CSMD1: variants seen among roughly 807,000 people sequenced by gnomAD.
CSMD1 encodes the protein CUB and sushi domain-containing protein 1.
Under a neutral mutation model 417.5 loss-of-function variants are expected in CSMD1, and 213 were observed. The observed-to-expected ratio is 0.51, with a 90% CI of 0.46 to 0.57. The LOEUF (loss-of-function observed/expected upper bound fraction) is 0.57. CSMD1 is among the 20% of genes least tolerant of loss of function. CSMD1 has a pLI of 0.00. For missense variants in CSMD1, 6,923 were observed against 4,529.7 expected (o/e 1.53, Z -15.17); for synonymous variants, 2,862 against 1,736.8 (o/e 1.65, Z -16.11).
intron 10 of CSMD1, among the ~76,000 whole-genome samples, chr8:3,503,182 G>C (rs933448923): frequency 6.6e-6 from 1 of 152,142 alleles, no homozygotes; most frequent in African/African-American, 2.4e-5. Flanking sequence ...AAAGTACTTT[G>C]AACACACACA....
chr8:3,412,489 A>T (rs1267918993), intron 12 of CSMD1, among the ~76,000 whole-genome samples: 1 of 152,190 alleles, frequency 6.6e-6, no homozygotes, highest in African/African-American at 2.4e-5. Flanking sequence ...TTTACTTCTA[A>T]GTGTCTGGGA....
At chr8:4,708,049 T>C (rs1275873372) in intron 1 of CSMD1, among the ~76,000 whole-genome samples, 1 of 152,096 alleles carries the variant, frequency 6.6e-6, no homozygotes, top group Non-Finnish European at 1.5e-5. Flanking sequence ...GCTCAAGTGA[T>C]CCTACTACCT....
chr8:4,751,750 T>A (rs1585043108), intron 1 of CSMD1, among the ~76,000 whole-genome samples: 1 of 152,274 alleles, frequency 6.6e-6, no homozygotes, highest in East Asian at 1.9e-4. Flanking sequence ...GTTAGGAGCT[T>A]GGTGTCTGAC....
intron 8 of CSMD1, among the ~76,000 whole-genome samples, chr8:3,612,177 G>C (rs1801926516): frequency 6.6e-6 from 1 of 151,946 alleles, no homozygotes. Flanking sequence ...AGACAAATTT[G>C]ATTTCAGAGT....
At chr8:3,710,609 C>T (rs933979298) in intron 6 of CSMD1, among the ~76,000 whole-genome samples, 1 of 152,118 alleles carries the variant, frequency 6.6e-6, no homozygotes, top group Non-Finnish European at 1.5e-5. Flanking sequence ...GTGCTTGGCC[C>T]CTGTGTATTC....
Position 3,188,905 on chromosome 8 carries a change from C to T in CSMD1, c.5505G>A (p.Thr1835=), listed in dbSNP as rs774904972. The T allele has an allele frequency of 2.6e-5, 41 of 1,584,530 alleles. 1 individual carries two copies. The highest frequency in any genetic ancestry group is 1.7e-4 in the Middle Eastern group (1 of 6,014). ...NLNCIWKIIV[T]EGSGIQIQVI... ...GACTCACCTGAATTCCCGAGCCCTC[C>T]GTAACTATGATCTTCCATATACAGT... is the stretch of plus-strand genomic sequence containing the variant. Residue 1835 remains threonine (T), a synonymous_variant, in exon 35 of 70, where the codon ACG becomes ACA. Transcript: ENST00000635120.
intron 1 of CSMD1, among the ~76,000 whole-genome samples, chr8:4,982,370 C>A (rs1810941033): frequency 6.6e-6 from 1 of 152,176 alleles, no homozygotes; most frequent in Non-Finnish European, 1.5e-5. Flanking sequence ...CTGGTGGCAT[C>A]TGGTCCTGCG....
chr8:4,383,110 CT>C (rs1803211905), intron 3 of CSMD1, among the ~76,000 whole-genome samples: 1 of 152,140 alleles, frequency 6.6e-6, no homozygotes, highest in African/African-American at 2.4e-5. Flanking sequence ...CTATTATGGG[CT>C]TTCCTGTGTA....
chr8:4,229,907 A>G (rs112290719), intron 3 of CSMD1, among the ~76,000 whole-genome samples: 1,968 of 152,276 alleles, frequency 0.013, 45 homozygotes, highest in African/African-American at 0.045. Context: ...GTGATACTCA[A>G]TAATATTTGT....
At chr8:3,054,358 C>A (rs1002986496) in intron 49 of CSMD1, among the ~76,000 whole-genome samples, 9 of 152,182 alleles carry the variant, frequency 5.9e-5, no homozygotes, top group Non-Finnish European at 1.2e-4. Context: ...TGGCTCATGC[C>A]TGTAATCCCA....
intron 2 of CSMD1, among the ~76,000 whole-genome samples, chr8:4,489,357 T>TAC (rs775884388): frequency 6.6e-6 from 1 of 152,232 alleles, no homozygotes; most frequent in Non-Finnish European, 1.5e-5. Flanking sequence ...GTTGTTTGCT[T>TAC]ACACACATCC....
intron 5 of CSMD1, among the ~76,000 whole-genome samples, chr8:3,776,532 T>C (rs1798892886): frequency 6.6e-6 from 1 of 152,176 alleles, no homozygotes; most frequent in East Asian, 1.9e-4. Flanking sequence ...GAACTTGCTG[T>C]GCCCTCTGCA....
chr8:3,860,542 A>G (rs1346732280), intron 5 of CSMD1, among the ~76,000 whole-genome samples: 2 of 152,166 alleles, frequency 1.3e-5, no homozygotes, highest in African/African-American at 2.4e-5. Flanking sequence ...GGTGGCCTGG[A>G]TTTACCAATG....
intron 21 of CSMD1, among the ~76,000 whole-genome samples, chr8:3,353,469 A>G (rs1808546679): frequency 6.6e-6 from 1 of 152,152 alleles, no homozygotes; most frequent in African/African-American, 2.4e-5. Flanking sequence ...GTGGCCTCCT[A>G]GTACACAAAA....
intron 15 of CSMD1, among the ~76,000 whole-genome samples, chr8:3,405,125 A>T (rs934668260): frequency 6.6e-6 from 1 of 152,196 alleles, no homozygotes; most frequent in African/African-American, 2.4e-5. Context: ...CTTTTCAATA[A>T]TACGTCTCAT....
intron 3 of CSMD1, among the ~76,000 whole-genome samples, chr8:4,248,647 T>C (rs1306120365): frequency 1.3e-5 from 2 of 152,152 alleles, no homozygotes; most frequent in East Asian, 3.9e-4. Flanking sequence ...TTTTACACCA[T>C]TAAGGACCAC....
chr8:4,833,892 A>C (rs1310148314), intron 1 of CSMD1, among the ~76,000 whole-genome samples: 2 of 152,192 alleles, frequency 1.3e-5, no homozygotes, highest in Non-Finnish European at 2.9e-5. Flanking sequence ...CAAACCGTAC[A>C]TGTCACTTGG....
intron 4 of CSMD1, among the ~76,000 whole-genome samples, chr8:4,024,667 G>C (rs555267418): frequency 1.3e-5 from 2 of 152,134 alleles, no homozygotes; most frequent in African/African-American, 4.8e-5. Flanking sequence ...TATTGCCAAG[G>C]AGACACTGCA....
intron 1 of CSMD1, among the ~76,000 whole-genome samples, chr8:4,755,483 A>G (rs1307714968): frequency 6.6e-6 from 1 of 151,996 alleles, no homozygotes; most frequent in African/African-American, 2.4e-5. Flanking sequence ...ATTGACATTT[A>G]TTTTTGGCAT....
Sources: allele counts gnomAD v4.1 joint callset (sites outside exome capture counted in the v4.1 genomes callset), GRCh38; gene constraint gnomAD v4.1.1; transcripts MANE v1.5; gene names NCBI Gene and HGNC (gene_info 2026-07-23, HGNC 2026-07-21).